HECW2: variants seen among roughly 807,000 people sequenced by gnomAD.
The protein encoded by HECW2 is E3 ubiquitin-protein ligase HECW2.
HECW2 carries 61 observed loss-of-function variants against 175.2 expected under a neutral mutation model. The observed-to-expected ratio is 0.35, with a 90% confidence interval of 0.28 to 0.43. The LOEUF (loss-of-function observed/expected upper bound fraction) is 0.43. Among genes scored for constraint, HECW2 ranks in the 20% least tolerant of loss-of-function variants. HECW2 has a pLI of 1.00. For missense variants in HECW2, 1,524 were observed against 2,000.5 expected (o/e 0.76, Z 4.54); for synonymous variants, 671 against 731.0 (o/e 0.92, Z 1.32).
At chr2:196,484,382 T>C (rs994302287) in intron 1 of HECW2, among the ~76,000 whole-genome samples, 14 of 152,310 alleles carry the variant, frequency 9.2e-5, no homozygotes, top group South Asian at 4.1e-4. Context: ...GGTTTTTCTT[T>C]AGAATTTATG....
intron 23 of HECW2, among the ~76,000 whole-genome samples, chr2:196,222,583 T>C (rs1221440349): frequency 6.6e-6 from 1 of 152,158 alleles, no homozygotes; most frequent in East Asian, 1.9e-4. Flanking sequence ...TCAGCCTGCG[T>C]CTTCCTTTAT....
At chr2:196,450,897 A>G (rs1338711772) in intron 1 of HECW2, among the ~76,000 whole-genome samples, 2 of 152,184 alleles carry the variant, frequency 1.3e-5, no homozygotes, top group African/African-American at 4.8e-5. Context: ...GTTAGACCAA[A>G]TAACTGACAC....
At chr2:196,364,938 T>G (rs1693703637) in intron 2 of HECW2, among the ~76,000 whole-genome samples, 1 of 152,088 alleles carries the variant, frequency 6.6e-6, no homozygotes, top group Non-Finnish European at 1.5e-5. Flanking sequence ...ATCTAGAAAT[T>G]TCAAGAATTG....
At chr2:196,408,682 T>A (rs74372377) in intron 2 of HECW2, among the ~76,000 whole-genome samples, 2 of 152,282 alleles carry the variant, frequency 1.3e-5, no homozygotes, top group South Asian at 2.1e-4. Context: ...AAATCCTAAG[T>A]CCCACAACAC....
At chr2:196,261,485 TAAAAATAAGCTTTTTGTTAAGAAGG>T (rs1237076825) in intron 17 of HECW2, among the ~76,000 whole-genome samples, 1 of 152,160 alleles carries the variant, frequency 6.6e-6, no homozygotes, top group Non-Finnish European at 1.5e-5. Context: ...AATCAGTAGA[TAAAAATAAGCTTTTTGTTAAGAAGG>T]AAAAATGATG....
At chr2:196,374,199 T>C (rs1693987095) in intron 2 of HECW2, among the ~76,000 whole-genome samples, 1 of 152,274 alleles carries the variant, frequency 6.6e-6, no homozygotes, top group Admixed American at 6.5e-5. Flanking sequence ...GGGTATTATG[T>C]AGCCATCCCA....
intron 24 of HECW2, 76 bp downstream of exon 24, chr2:196,222,135 G>A: frequency 1.5e-6 from 2 of 1,325,620 alleles, no homozygotes; most frequent in Admixed American, 4.1e-5. Context: ...TCTGATCTTA[G>A]CCATGGAGTT....
At chr2:196,560,398 G>A (rs1415250740) in intron 1 of HECW2, among the ~76,000 whole-genome samples, 2 of 151,910 alleles carry the variant, frequency 1.3e-5, no homozygotes, top group Non-Finnish European at 2.9e-5. Context: ...TGCCCACCTC[G>A]GGCCTCCCAA....
intron 10 of HECW2, among the ~76,000 whole-genome samples, chr2:196,313,107 A>C (rs1280153089): frequency 1.3e-5 from 2 of 152,184 alleles, no homozygotes; most frequent in African/African-American, 4.8e-5. Context: ...TATTCCTAGA[A>C]AAACTACCAT....
chr2:196,279,189 C>G (rs548457042), intron 14 of HECW2, among the ~76,000 whole-genome samples: 1 of 152,094 alleles, frequency 6.6e-6, no homozygotes, highest in Non-Finnish European at 1.5e-5. Context: ...GCTGGGACTA[C>G]AGGCGCCCAC....
intron 1 of HECW2, among the ~76,000 whole-genome samples, chr2:196,487,943 C>T (rs1202182470): frequency 1.3e-5 from 2 of 152,118 alleles, no homozygotes; most frequent in Non-Finnish European, 2.9e-5. Context: ...TAAGAACAAA[C>T]CTTAGTTAAA....
chr2:196,322,332 A>C, intron 7 of HECW2, 146 bp downstream of exon 7: 1 of 520,872 alleles, frequency 1.9e-6, no homozygotes. Flanking sequence ...AGTACATTTT[A>C]ATAAGTGTAA....
chr2:196,433,188 A>G lies in HECW2; in HGVS notation c.236T>C (p.Phe79Ser), dbSNP rs753721407. ...GTCCACCTCCTCTTTAATGTCCCAG[A>G]AGATAATGAGGTTCTGGGCTTGCCC... ...TLGQAQNLII[F>S]WDIKEEVDPS... Residue 79 changes from phenylalanine (F) to serine (S), a missense_variant, in exon 2 of 29, where the codon TTC (phenylalanine) becomes TCC (serine). Coordinates refer to ENST00000644978, the MANE Select transcript of HECW2 (RefSeq NM_001348768.2). The G allele has an allele frequency of 1.2e-6, 2 of 1,614,164 alleles. No individual in the cohort carries two copies. The highest frequency in any genetic ancestry group is 1.7e-6 in the Non-Finnish European group (2 of 1,179,994).
chr2:196,318,505 G>A (rs761486345), intron 9 of HECW2, 47 bp downstream of exon 9: 1 of 1,427,636 alleles, frequency 7.0e-7, no homozygotes, highest in South Asian at 1.8e-5. Flanking sequence ...ACTTCTCTCT[G>A]CACAGCTACG....
At chr2:196,280,119 T>C (rs1193970262) in intron 14 of HECW2, among the ~76,000 whole-genome samples, 1 of 152,200 alleles carries the variant, frequency 6.6e-6, no homozygotes, top group African/African-American at 2.4e-5. Flanking sequence ...TTAGAAATTG[T>C]AAGTTTTCCA....
At chr2:196,285,939 C>T (rs1401590490) in intron 14 of HECW2, among the ~76,000 whole-genome samples, 5 of 152,080 alleles carry the variant, frequency 3.3e-5, no homozygotes, top group East Asian at 1.9e-4. Flanking sequence ...CAAAAACAGT[C>T]GGTTAGTAGA....
chr2:196,240,608 T>A, intron 20 of HECW2, 46 bp from the exon 21 acceptor site: 1 of 1,454,442 alleles, frequency 6.9e-7, no homozygotes, highest in Non-Finnish European at 9.2e-7. Context: ...ATTACTATAC[T>A]ATTAAAGATA....
chr2:196,591,179 T>C (rs754879770), intron 1 of HECW2, among the ~76,000 whole-genome samples: 2 of 152,190 alleles, frequency 1.3e-5, no homozygotes, highest in Non-Finnish European at 2.9e-5. Flanking sequence ...TGTTGCCCAA[T>C]ACCGTGATAG....
intron 21 of HECW2, chr2:196,238,408 G>C (rs933011247): frequency 2.6e-5 from 4 of 151,812 alleles, no homozygotes; most frequent in Non-Finnish European, 4.4e-5. Flanking sequence ...AAGGCTAAAA[G>C]AGCTCCTTAC....
Sources: gnomAD v4.1 joint callset for allele counts (sites outside exome capture counted in the v4.1 genomes callset) on GRCh38, gnomAD v4.1.1 for gene constraint, MANE v1.5 for transcripts, NCBI Gene and HGNC (gene_info 2026-07-23, HGNC 2026-07-21) for gene names.